ROS1: variants seen among roughly 807,000 people sequenced by gnomAD.
The protein encoded by ROS1 is ROS proto-oncogene 1, receptor tyrosine kinase.
Under a neutral mutation model 273.5 loss-of-function variants are expected in ROS1, and 263 were observed. That is an observed-to-expected ratio of 0.96 (90% confidence interval 0.87 to 1.06). The LOEUF is 1.06. ROS1 is among the 50% of genes least tolerant of loss of function. The pLI is 0.00. For missense variants in ROS1, 2,833 were observed against 2,751.1 expected, an observed-to-expected ratio of 1.03 and a Z score of -0.67; for synonymous variants, 1,008 against 954.1, an observed-to-expected ratio of 1.06 and a Z score of -1.04.
At chr6:117,312,439 A>G (rs772085658) in intron 39 of ROS1, among the ~76,000 whole-genome samples, 17 of 152,028 alleles carry the variant, frequency 1.1e-4, no homozygotes, top group African/African-American at 4.1e-4. Flanking sequence ...CTAGGCTATG[A>G]CCTTACTCCC....
At chr6:117,360,976 C>A (rs906270924) in intron 22 of ROS1, among the ~76,000 whole-genome samples, 4 of 152,028 alleles carry the variant, frequency 2.6e-5, no homozygotes, top group African/African-American at 9.7e-5. Flanking sequence ...ATAATTAAAT[C>A]TTACATTTGA....
chr6:117,385,157 T>A (rs1450475603), intron 16 of ROS1, among the ~76,000 whole-genome samples: 2 of 152,172 alleles, frequency 1.3e-5, no homozygotes, highest in Non-Finnish European at 2.9e-5. Flanking sequence ...GAACCAACGC[T>A]CAGGTGAGCA....
rs959532375 is a variant in ROS1 at position 117,387,843 on chromosome 6, C to A, written c.1936G>T (p.Ala646Ser). 5.6e-6 allele frequency: 9 copies of A among 1,614,054 alleles called. No individual in the cohort carries two copies. The Admixed American group carries it at 8.3e-5, about 15-fold the overall frequency. The change falls in exon 14 of 44, where the codon GCA becomes TCA. Residue 646 changes from alanine (A) to serine (S), a missense_variant. Physicochemically the swap from Ala to Ser is moderately conservative, Grantham distance 99. Coordinates refer to ENST00000368507, the MANE Select transcript of ROS1 (RefSeq NM_001378902.1). The stretch of plus-strand genomic sequence containing the variant: ...GGGCCTGGCCTCTTTGGAGAACTTG[C>A]TCTCACAGAAACCTTGTATTTCATA... ...SAMKYKVSVR[A>S]SSPKRPGPWS...
chr6:117,302,441 G>T (rs1210975912), intron 42 of ROS1, among the ~76,000 whole-genome samples: 1 of 152,116 alleles, frequency 6.6e-6, no homozygotes, highest in Non-Finnish European at 1.5e-5. Context: ...GGCTAATCCA[G>T]AATTCAATAA....
At chr6:117,360,299 C>CACACACACACACACACAA in intron 23 of ROS1, 43 bp downstream of exon 23, 1 of 1,455,518 alleles carries the variant, frequency 6.9e-7, no homozygotes, top group Non-Finnish European at 9.6e-7. Flanking sequence ...CACACACACA[C>CACACACACACACACACAA]GCCTCTAAAT....
At chr6:117,424,708 G>C (rs1776011241) in intron 1 of ROS1, among the ~76,000 whole-genome samples, 1 of 152,054 alleles carries the variant, frequency 6.6e-6, no homozygotes, top group Non-Finnish European at 1.5e-5. Context: ...GTGTATAAGT[G>C]CAAGTTTCTT....
intron 33 of ROS1, chr6:117,328,772 T>G (rs9282841): frequency 1.6e-6 from 1 of 613,856 alleles, no homozygotes. Context: ...TCTGAGGCTG[T>G]TCATCAGTGG....
intron 39 of ROS1, among the ~76,000 whole-genome samples, chr6:117,315,246 G>A (rs1582594271): frequency 6.6e-6 from 1 of 152,036 alleles, no homozygotes; most frequent in Non-Finnish European, 1.5e-5. Flanking sequence ...GAAAATAGGA[G>A]AGAGCAGCTA....
At chr6:117,406,119 T>A (rs1774378030) in intron 5 of ROS1, among the ~76,000 whole-genome samples, 1 of 152,186 alleles carries the variant, frequency 6.6e-6, no homozygotes. Context: ...TACTCCAGCC[T>A]GGGTGACAGA....
intron 43 of ROS1, among the ~76,000 whole-genome samples, chr6:117,297,625 A>C (rs1380442082): frequency 6.6e-6 from 1 of 152,304 alleles, no homozygotes; most frequent in African/African-American, 2.4e-5. Flanking sequence ...AAAAATGCCC[A>C]AAATCCCTAA....
chr6:117,368,117 C>A (rs1780421230), intron 18 of ROS1, among the ~76,000 whole-genome samples: 1 of 152,122 alleles, frequency 6.6e-6, no homozygotes, highest in Non-Finnish European at 1.5e-5. Context: ...AAGTAAAAAA[C>A]TTTAAATTGT....
At chr6:117,395,177 G>T (rs1165416595) in intron 9 of ROS1, among the ~76,000 whole-genome samples, 1 of 152,058 alleles carries the variant, frequency 6.6e-6, no homozygotes, top group African/African-American at 2.4e-5. Flanking sequence ...GCAGAAGAAA[G>T]GTCCTTAAAG....
At chr6:117,396,522 A>G (rs990155351) in intron 8 of ROS1, among the ~76,000 whole-genome samples, 1 of 152,210 alleles carries the variant, frequency 6.6e-6, no homozygotes, top group African/African-American at 2.4e-5. Flanking sequence ...CCGAATTTAA[A>G]GAGGCTCTAG....
intron 4 of ROS1, among the ~76,000 whole-genome samples, chr6:117,412,125 A>G (rs1774962439): frequency 6.6e-6 from 1 of 152,154 alleles, no homozygotes; most frequent in Admixed American, 6.6e-5. Context: ...GCCAGCACAG[A>G]GACCAAGGGG....
At chr6:117,378,094 C>G (rs1781485661) in intron 18 of ROS1, among the ~76,000 whole-genome samples, 1 of 152,098 alleles carries the variant, frequency 6.6e-6, no homozygotes, top group Non-Finnish European at 1.5e-5. Context: ...TAAAATGGCA[C>G]AAACATTTTG....
At chr6:117,299,521 A>G (rs1040446243) in intron 43 of ROS1, 9 of 152,192 alleles carry the variant, frequency 5.9e-5, no homozygotes, top group African/African-American at 2.2e-4. Context: ...CTTCCCTGAT[A>G]GGAAAGGACC....
At chr6:117,403,100 G>T in intron 7 of ROS1, 39 bp downstream of exon 7, 1 of 1,606,490 alleles carries the variant, frequency 6.2e-7, no homozygotes, top group Non-Finnish European at 8.5e-7. Flanking sequence ...CAAAGCTTTG[G>T]AATAATGTCC....
rs779718420 is a variant in ROS1, at chr6:117,308,762, G to A, written c.6551+32C>T. The A allele has an allele frequency of 1.9e-6, 3 of 1,598,768 alleles. No individual in the cohort carries two copies. In the East Asian group the frequency reaches 6.7e-5, roughly 36 times the overall value. On this transcript the variant is annotated intron_variant, in intron 42 of 43. Coordinates refer to ENST00000368507, the MANE Select transcript of ROS1 (RefSeq NM_001378902.1). The stretch of plus-strand genomic sequence containing the variant: ...ATTGTATGTGCACATGTTTTTGTTT[G>A]GGGGATACATATGTTAACATAATTA...
rs751553775 is a variant in ROS1 at position 117,403,169 on chromosome 6, T to C, written c.574A>G (p.Ser192Gly). 3.1e-6 allele frequency: 5 copies of C among 1,613,726 alleles called. No homozygotes were observed. Among genetic ancestry groups the C allele is most frequent in the Non-Finnish European group, 4.2e-6 (5 of 1,179,916 alleles). The change falls in exon 7 of 44, where the codon AGT (serine) becomes GGT (glycine). Residue 192 changes from serine (S) to glycine (G), a missense_variant. Ser to Gly is a moderately conservative substitution (Grantham distance 56). Transcript: ENST00000368507. ...TGAGGATGAGTCCTGTAACTGGGAC[T>C]TGGAGGGGAGTAGAGCTGCAGCTGC... is the stretch of plus-strand genomic sequence containing the variant. ...TAQLQLYSPP[S>G]PSYRTHPHGV...
Sources: gnomAD v4.1 joint callset for allele counts (sites outside exome capture counted in the v4.1 genomes callset) on GRCh38, gnomAD v4.1.1 for gene constraint, MANE v1.5 for transcripts, NCBI Gene and HGNC (gene_info 2026-07-23, HGNC 2026-07-21) for gene names.